Variants in PGC observed in about 807,000 individuals in gnomAD.
PGC encodes progastricsin.
In PGC, 31 loss-of-function variants were observed where a neutral mutation model predicts 45.9. The ratio of observed to expected loss-of-function variants is 0.67; its 90% CI spans 0.51 to 0.91. PGC has a LOEUF of 0.91. PGC is among the 40% of genes least tolerant of loss of function. PGC has a pLI of 0.00. For missense variants in PGC, 477 were observed against 493.2 expected (o/e 0.97, Z 0.31); for synonymous variants, 192 against 201.8 (o/e 0.95, Z 0.41).
intron 1 of PGC, among the ~76,000 whole-genome samples, chr6:41,745,012 T>TGC (rs1561882864): frequency 3.3e-5 from 5 of 150,478 alleles, no homozygotes; most frequent in Admixed American, 2.0e-4. Context: ...TGTGTGTGTG[T>TGC]GTGCGCGCGC....
chr6:41,746,257 G>T (rs1771930210), intron 1 of PGC, among the ~76,000 whole-genome samples: 1 of 152,190 alleles, frequency 6.6e-6, no homozygotes, highest in Non-Finnish European at 1.5e-5. Flanking sequence ...AGCTGGATGT[G>T]ACAGAGCATG....
In PGC at chr6:41,742,362, G is replaced by A. The variant is rs756110334; in HGVS notation, c.575C>T (p.Ala192Val). The A allele has an allele frequency of 1.9e-6, 3 of 1,614,146 alleles. No individual in the cohort carries two copies. ...CACCATGCCCTGCATAGCTGTGGTG[G>A]CCTCATCCACGGACAGAGCAGGGTA... The part of the protein sequence containing the change: ...LAYPALSVDE[A>V]TTAMQGMVQE... Residue 192 changes from alanine to valine, a missense_variant, in exon 5 of 9, where the codon GCC (alanine) becomes GTC (valine). Ala to Val is a moderately conservative substitution (Grantham distance 64). Coordinates refer to ENST00000373025, the MANE Select transcript of PGC (RefSeq NM_002630.4).
At chr6:41,737,483 T>C (rs747178704) in intron 8 of PGC, among the ~76,000 whole-genome samples, 25 of 152,342 alleles carry the variant, frequency 1.6e-4, no homozygotes, top group Non-Finnish European at 2.6e-4. Context: ...TCTGCCCTAG[T>C]AAGTGCTCAA....
intron 4 of PGC, 96 bp downstream of exon 4, chr6:41,743,175 A>G: frequency 1.2e-6 from 1 of 802,272 alleles, no homozygotes; most frequent in Middle Eastern, 2.3e-4. Flanking sequence ...GCACACCAGA[A>G]CACTAGCATT....
intron 4 of PGC, among the ~76,000 whole-genome samples, chr6:41,742,814 CAG>C (rs1185015515): frequency 6.6e-6 from 1 of 152,170 alleles, no homozygotes; most frequent in African/African-American, 2.4e-5. Context: ...TTAATAGAGA[CAG>C]GGTTTCACCA....
chr6:41,747,314 GACC>G lies in PGC; in HGVS notation c.18_20del (p.Val7del), dbSNP rs1399078025. ...CCTCCAAGAGCTGGAGGCAGACCAA[GACC>G]ACCACCATCCACTTCATGATGCTGG... On this transcript the variant is annotated inframe_deletion, in exon 1 of 9. Coordinates refer to ENST00000373025, the MANE Select transcript of PGC (RefSeq NM_002630.4). 6.2e-7 allele frequency: 1 copy of G among 1,614,066 alleles called. No homozygotes were observed. Among genetic ancestry groups the G allele is most frequent in the Non-Finnish European group, 8.5e-7 (1 of 1,179,962 alleles).
At chr6:41,743,126 G>A in intron 4 of PGC, 145 bp downstream of exon 4, 2 of 695,792 alleles carry the variant, frequency 2.9e-6, no homozygotes, top group Middle Eastern at 4.9e-4. Context: ...TGTTGGGGGA[G>A]TGACTGAATG....
At chr6:41,745,978 G>C (rs1196336366) in intron 1 of PGC, among the ~76,000 whole-genome samples, 1 of 151,704 alleles carries the variant, frequency 6.6e-6, no homozygotes, top group African/African-American at 2.4e-5. Context: ...GACTGGCCAA[G>C]ATGGTGAAAA....
chr6:41,742,244 CG>C, intron 5 of PGC, 45 bp downstream of exon 5: 4 of 1,563,784 alleles, frequency 2.6e-6, no homozygotes, highest in Non-Finnish European at 1.8e-6. Flanking sequence ...CCAGGGCGGC[CG>C]GGGGAGCATC....
At chr6:41,745,018 C>T (rs1003376459) in intron 1 of PGC, among the ~76,000 whole-genome samples, 123 of 150,560 alleles carry the variant, frequency 8.2e-4, no homozygotes, top group Non-Finnish European at 1.1e-3. Context: ...TGTGTGTGCG[C>T]GCGCGCGTGT....
chr6:41,744,622 G>A lies in PGC; in HGVS notation c.210+36C>T. 1.2e-6 allele frequency: 2 copies of A among 1,611,536 alleles called. No homozygotes were observed. The highest frequency in any genetic ancestry group is 8.5e-7 in the Non-Finnish European group (1 of 1,177,934). On this transcript the variant is annotated intron_variant, in intron 2 of 8. Transcript: ENST00000373025. The surrounding 1 kb of genome is among the most constrained non-coding windows in gnomAD (Gnocchi z 4.4). Reference sequence around the variant, plus strand: ...TGCCCCTTCCCTCCAGCCCACACCAGAGAGAAGGCTACCGCCAGAAAGGGT... The same window carrying A: ...TGCCCCTTCCCTCCAGCCCACACCAAAGAGAAGGCTACCGCCAGAAAGGGT...
At position 41,744,968 on chromosome 6, in the gene PGC, GCT is replaced by G. The variant is rs960699115; in HGVS notation, c.60-162_60-161del. On this transcript the variant is annotated intron_variant, in intron 1 of 8. Transcript: ENST00000373025. The surrounding 1 kb of genome is among the most constrained non-coding windows in gnomAD (Gnocchi z 4.4). ...GTCTTTTTCTCTCTCTCAGCCTTTT[GCT>G]CTCTGTCTCTGTCTGTCTGTCTCTC... Among the ~76,000 whole-genome samples the G allele has an allele frequency of 7.0e-5, 7 of 100,560 alleles. No individual in the cohort carries two copies. The highest frequency in any genetic ancestry group is 1.6e-4 in the African/African-American group (5 of 31,022). The allele number at this position is 100,560 out of a possible 152,430, so 66.0% of individuals were successfully genotyped here. A position where few individuals can be genotyped will look rare whatever the true frequency, so the allele number is the denominator to read the frequency against.
In PGC at chr6:41,738,203, CAT is replaced by C. The variant is rs10595601; in HGVS notation, c.916-377_916-376del. On this transcript the variant is annotated intron_variant, in intron 7 of 8. Coordinates refer to ENST00000373025, the MANE Select transcript of PGC (RefSeq NM_002630.4). ...ACATATATATATGCATATATATATGCATATATATATGCATATATATATGCATA... is the reference window on the plus strand; with the variant it reads ...ACATATATATATGCATATATATATGCATATATATGCATATATATATGCATA... 7.3e-3 allele frequency among the ~76,000 whole-genome samples: 79 copies of C among 10,816 alleles called. 1 individual carries two copies. The highest frequency in any genetic ancestry group is 0.029 in the Non-Finnish European group (59 of 2,030). The allele number at this position is 10,816 out of a possible 152,430, so 7.1% of individuals were successfully genotyped here. A position where few individuals can be genotyped will look rare whatever the true frequency, so the allele number is the denominator to read the frequency against.
At chr6:41,740,383 G>C in intron 6 of PGC, 108 bp downstream of exon 6, 1 of 1,380,650 alleles carries the variant, frequency 7.2e-7, no homozygotes, top group Admixed American at 2.4e-5. Flanking sequence ...AGCCTCAGGG[G>C]TCCTCTGCCC....
chr6:41,741,343 C>G, intron 5 of PGC: 1 of 991,600 alleles, frequency 1.0e-6, no homozygotes, highest in African/African-American at 1.7e-5. Context: ...AGCTAACTGT[C>G]TCTAGAAAGT....
At chr6:41,740,465 TCC>T in intron 6 of PGC, 24 bp downstream of exon 6, 1 of 1,588,330 alleles carries the variant, frequency 6.3e-7, no homozygotes, top group Non-Finnish European at 8.6e-7. Context: ...AAGTGCCACA[TCC>T]CCAGGGCCCC....
At chr6:41,743,048 G>A (rs1771861136) in intron 4 of PGC, among the ~76,000 whole-genome samples, 1 of 152,208 alleles carries the variant, frequency 6.6e-6, no homozygotes, top group Non-Finnish European at 1.5e-5. Flanking sequence ...GCTTCTTAAG[G>A]AAAAGGACCA....
At chr6:41,742,916 A>G (rs4714510) in intron 4 of PGC, among the ~76,000 whole-genome samples, 27,661 of 152,136 alleles carry the variant, frequency 0.18, 2,754 homozygotes, top group Admixed American at 0.28. Flanking sequence ...GAGCCACCGT[A>G]GCCAGCCACC....
chr6:41,737,937 A>T (rs1771719428), intron 7 of PGC, 109 bp from the exon 8 acceptor site: 1 of 661,960 alleles, frequency 1.5e-6, no homozygotes, highest in African/African-American at 1.8e-5. Context: ...CCCAAGCCCT[A>T]AGCCTGTTTT....
Sources: allele counts gnomAD v4.1 joint callset (sites outside exome capture counted in the v4.1 genomes callset), GRCh38; gene constraint gnomAD v4.1.1; non-coding constraint Gnocchi (gnomAD v3.1); transcripts MANE v1.5; gene names NCBI Gene and HGNC (gene_info 2026-07-23, HGNC 2026-07-21).